Variants in SPTBN4 observed in about 807,000 individuals in gnomAD.
SPTBN4 encodes spectrin beta chain, non-erythrocytic 4.
Under a neutral mutation model 277.8 loss-of-function variants are expected in SPTBN4, and 96 were observed. That is an observed-to-expected ratio of 0.35 (90% CI 0.29 to 0.41). SPTBN4 has a LOEUF of 0.41. SPTBN4 is among the 10% of genes least tolerant of loss of function. The pLI, the probability that SPTBN4 is intolerant of heterozygous loss-of-function variation, is 1.00. For synonymous variants in SPTBN4, 1,481 were observed against 1,580.3 expected, an observed-to-expected ratio of 0.94 and a Z score of 1.49; for missense variants, 3,006 against 3,595.7, an observed-to-expected ratio of 0.84 and a Z score of 4.19.
At chr19:40,484,647 G>T (rs1189970969) in intron 2 of SPTBN4, among the ~76,000 whole-genome samples, 1 of 151,948 alleles carries the variant, frequency 6.6e-6, no homozygotes, top group Non-Finnish European at 1.5e-5. Flanking sequence ...TTTATTTTTG[G>T]CCAGGCGAGG....
Position 40,504,130 on chromosome 19 carries a change from C to A in SPTBN4, c.1663C>A (p.Gln555Lys), listed in dbSNP as rs1227235219. The A allele has an allele frequency of 4.4e-6, 4 of 919,272 alleles. No homozygotes were observed. Among genetic ancestry groups the A allele is most frequent in the African/African-American group, 6.8e-5 (1 of 14,718 alleles). 56.9% of individuals were successfully genotyped at this position (919,272 alleles called of 1,614,324 possible). ...VYMVDWMEEMQAQLLSRECGQ... is the reference protein window; with the variant it reads ...VYMVDWMEEMKAQLLSRECGQ... Reference sequence around the variant, plus strand: ...CATGGTGGACTGGATGGAGGAGATGCAGGTGCCGGCGGGGGGGCGGGGATG... The same window carrying A: ...CATGGTGGACTGGATGGAGGAGATGAAGGTGCCGGCGGGGGGGCGGGGATG... The change falls in exon 12 of 36, where the codon CAG becomes AAG. Residue 555 changes from glutamine (Q) to lysine (K), a missense_variant and splice_region_variant. Physicochemically the swap from Gln to Lys is moderately conservative, Grantham distance 53 (BLOSUM62 1). Transcript: ENST00000598249.
chr19:40,504,152 G>GGGGGGT lies in SPTBN4; in HGVS notation c.1665+20_1665+21insGGGGGT. ...ATGCAGGTGCCGGCGGGGGGGCGGG[G>GGGGGGT]ATGCGGGTGGAGTGCCAGGAGGGAG... On this transcript the variant is annotated intron_variant, in intron 12 of 35. Coordinates refer to ENST00000598249, the MANE Select transcript of SPTBN4 (RefSeq NM_020971.3). 10 of 877,192 alleles carry GGGGGGT rather than the reference G, an allele frequency of 1.1e-5. No homozygotes were observed. Among genetic ancestry groups the GGGGGGT allele is most frequent in the East Asian group, 2.6e-5 (1 of 38,954 alleles). 54.3% of individuals were successfully genotyped at this position (877,192 alleles called of 1,614,324 possible).
intron 19 of SPTBN4, among the ~76,000 whole-genome samples, chr19:40,533,101 A>T (rs2080696745): frequency 6.6e-6 from 1 of 151,962 alleles, no homozygotes; most frequent in African/African-American, 2.4e-5. Context: ...AAGGTTGGGG[A>T]GATGGGCTGG....
chr19:40,476,657 G>A (rs552060716), intron 2 of SPTBN4, among the ~76,000 whole-genome samples: 3 of 151,908 alleles, frequency 2.0e-5, no homozygotes, highest in Admixed American at 6.6e-5. Flanking sequence ...ACACTATCTC[G>A]GCTCACTGCA....
chr19:40,566,225 G>A lies in SPTBN4; in HGVS notation c.6202G>A (p.Glu2068Lys). 1 of 1,554,850 alleles carries A rather than the reference G, an allele frequency of 6.4e-7. No homozygotes were observed. The change falls in exon 30 of 36, where the codon GAG becomes AAG. Residue 2068 changes from glutamate (E) to lysine (K), a missense_variant. By Grantham distance (56) the Glu-to-Lys change is moderately conservative (BLOSUM62 1). Transcript: ENST00000598249. ...GGCTGATGCCTGGCTGACAGCCCAG[G>A]AGCCGCTCCTGCAGAGCCGGGAGCT... ...VVADAWLTAQ[E>K]PLLQSRELGS... is the part of the protein sequence containing the mutation.
At position 40,519,879 on chromosome 19, in the gene SPTBN4, C is replaced by G. The variant is rs191168879; in HGVS notation, c.3382C>G (p.Leu1128Val). The G allele has an allele frequency of 2.2e-4, 336 of 1,508,586 alleles. 1 individual carries two copies. In the African/African-American group the frequency reaches 4.3e-3, roughly 20 times the overall value. The allele number at this position is 1,508,586 out of a possible 1,614,324, so 93.5% of individuals were successfully genotyped here. ...LPNSLEEADA[L>V]LARHAALKEE... ...CAACAGCCTAGAAGAGGCGGACGCG[C>G]TGCTGGCGCGCCACGCTGCGCTCAA... The change falls in exon 16 of 36, where the codon CTG becomes GTG. Residue 1128 changes from leucine to valine, a missense_variant. This residue lies in a region of SPTBN4 where 1,759 missense variants were observed against 2,061.5 expected (regional missense o/e 0.85). Transcript: ENST00000598249. The surrounding 1 kb of genome is among the most constrained non-coding windows in gnomAD (Gnocchi z 5.7).
chr19:40,527,982 G>A, intron 17 of SPTBN4, among the ~76,000 whole-genome samples: 1 of 151,552 alleles, frequency 6.6e-6, no homozygotes, highest in Non-Finnish European at 1.5e-5. Flanking sequence ...CTTGAACCTG[G>A]GGGGTGGAGG....
Position 40,506,292 on chromosome 19 carries a change from G to C in SPTBN4, c.1722G>C (p.Leu574Phe), listed in dbSNP as rs372960156. The change falls in exon 13 of 36, where the codon TTG (leucine) becomes TTC (phenylalanine). Residue 574 changes from leucine (L) to phenylalanine (F), a missense_variant. This residue lies in a region of SPTBN4 where 1,759 missense variants were observed against 2,061.5 expected (regional missense o/e 0.85). Transcript: ENST00000598249. The stretch of plus-strand genomic sequence containing the variant: ...ACCTGGTGGAGGCAGACGACCTGTT[G>C]CAGAAGCATGGACTGCTGGAGGGAG... ...GQHLVEADDL[L>F]QKHGLLEGDI... 77 of 1,614,036 alleles carry C rather than the reference G, an allele frequency of 4.8e-5. No individual in the cohort carries two copies. The Middle Eastern group carries it at 5.0e-4, about 10-fold the overall frequency.
rs748037592 is a variant in SPTBN4, at chr19:40,572,131, C to T, written c.7432C>T (p.His2478Tyr). Residue 2478 changes from histidine (H) to tyrosine (Y), a missense_variant, in exon 34 of 36, where the codon CAC becomes TAC. By Grantham distance (83) the His-to-Tyr change is moderately conservative. Coordinates refer to ENST00000598249, the MANE Select transcript of SPTBN4 (RefSeq NM_020971.3). ...CGGTGGGGAACCGCTGCTCAGCCTGCACAAGGCCACCAGCGAGGTGGCTAG... is the reference window on the plus strand; with the variant it reads ...CGGTGGGGAACCGCTGCTCAGCCTGTACAAGGCCACCAGCGAGGTGGCTAG... ...THGGEPLLSL[H>Y]KATSEVASDY... The T allele has an allele frequency of 5.0e-6, 8 of 1,611,622 alleles. No individual in the cohort carries two copies. The South Asian group carries it at 8.8e-5, about 18-fold the overall frequency.
chr19:40,523,468 G>C lies in SPTBN4; in HGVS notation c.3686G>C (p.Gly1229Ala). ...GCGCTGTCTGGTGCGGAGCTCCCGG[G>C]CACAGTGGAATCGGTGGAGGAGGCC... ...EMALSGAELP[G>A]TVESVEEALK... The change falls in exon 17 of 36, where the codon GGC (glycine) becomes GCC (alanine). Residue 1229 changes from glycine (G) to alanine (A), a missense_variant. Gly to Ala is a moderately conservative substitution (Grantham distance 60, BLOSUM62 0). Transcript: ENST00000598249. 1.2e-6 allele frequency: 2 copies of C among 1,611,618 alleles called. No homozygotes were observed. Among genetic ancestry groups the C allele is most frequent in the African/African-American group, 1.3e-5 (1 of 75,022 alleles).
intron 2 of SPTBN4, among the ~76,000 whole-genome samples, chr19:40,478,858 A>G (rs1456833745): frequency 6.6e-6 from 1 of 152,110 alleles, no homozygotes; most frequent in South Asian, 2.1e-4. Flanking sequence ...TGACTTTCAT[A>G]AATGCTCACA....
rs1165837 is a variant in SPTBN4, at chr19:40,569,756, G to C, written c.7026+30G>C. On this transcript the variant is annotated intron_variant, in intron 32 of 35. Transcript: ENST00000598249. ...GTTGAGCCTCGGATGGGTGGGGATA[G>C]GAGGACCCCTTTTTCAGAGCAGGAG... 0.61 allele frequency: 962,287 copies of C among 1,590,260 alleles called. 299,774 individuals are homozygous for C. The highest frequency in any genetic ancestry group is 0.65 in the African/African-American group (48,033 of 73,474).
rs139319683 is a variant in SPTBN4 at position 40,544,729 on chromosome 19, G to A, written c.4360-4460G>A. ...CTCCCAGAGTGCTAGGATTACAGGC[G>A]TGAGCCACCGCACCCAGCATGCTTT... On this transcript the variant is annotated intron_variant, in intron 20 of 35. Coordinates refer to ENST00000598249, the MANE Select transcript of SPTBN4 (RefSeq NM_020971.3). Among the ~76,000 whole-genome samples, 366 of 152,152 alleles carry A rather than the reference G, an allele frequency of 2.4e-3. 2 individuals carry two copies. The highest frequency in any genetic ancestry group is 8.6e-3 in the African/African-American group (356 of 41,532).
chr19:40,483,263 T>C (rs893964784), intron 2 of SPTBN4, among the ~76,000 whole-genome samples: 1 of 152,082 alleles, frequency 6.6e-6, no homozygotes, highest in Non-Finnish European at 1.5e-5. Context: ...CCACTTTGGC[T>C]TTAGTACTAG....
In SPTBN4 at chr19:40,565,719, A is replaced by G. The variant is rs1279770682; in HGVS notation, c.6113A>G (p.Asp2038Gly). 39 of 1,553,346 alleles carry G rather than the reference A, an allele frequency of 2.5e-5. No homozygotes were observed. In the Admixed American group the frequency reaches 7.0e-4, roughly 28 times the overall value. The change falls in exon 29 of 36, where the codon GAC (aspartate) becomes GGC (glycine). Residue 2038 changes from aspartate (D) to glycine (G), a missense_variant. Around this residue, in one of 5 missense-constraint regions of SPTBN4, gnomAD observed 425 missense variants for 594.7 expected, o/e 0.71. Transcript: ENST00000598249. ...TRKEEVSEKW[D>G]RHWEWLQQML... Reference sequence around the variant, plus strand: ...AAGGAGGAGGTGTCGGAAAAGTGGGACCGCCATTGGGAGTGGCTGCAGCAG... The same window carrying G: ...AAGGAGGAGGTGTCGGAAAAGTGGGGCCGCCATTGGGAGTGGCTGCAGCAG...
At chr19:40,497,231 TCGTC>T (rs560286263) in intron 6 of SPTBN4, among the ~76,000 whole-genome samples, 46 of 152,216 alleles carry the variant, frequency 3.0e-4, no homozygotes, top group African/African-American at 1.1e-3. Flanking sequence ...GCCTACCCAT[TCGTC>T]TGTGTGCACA....
intron 3 of SPTBN4, 101 bp from the exon 4 acceptor site, chr19:40,489,974 C>A: frequency 8.0e-7 from 1 of 1,246,000 alleles, no homozygotes; most frequent in South Asian, 1.6e-5. Context: ...ACTCAGGGGG[C>A]GTGGCCACGG....
intron 18 of SPTBN4, among the ~76,000 whole-genome samples, chr19:40,531,278 G>A (rs188034648): frequency 7.2e-5 from 11 of 152,048 alleles, no homozygotes; most frequent in Non-Finnish European, 1.6e-4. Context: ...TGTGAATTGA[G>A]TTGGGGGGTT....
chr19:40,552,957 GT>G (rs1468518567), intron 22 of SPTBN4, among the ~76,000 whole-genome samples: 1 of 152,168 alleles, frequency 6.6e-6, no homozygotes, highest in East Asian at 1.9e-4. Context: ...GTGCTCCATA[GT>G]TTATCACCTT....
Sources: gnomAD v4.1 joint callset for allele counts (sites outside exome capture counted in the v4.1 genomes callset) on GRCh38, gnomAD v4.1.1 for gene constraint, gnomAD v4.1.1 regional missense constraint, Gnocchi (gnomAD v3.1) non-coding constraint, MANE v1.5 for transcripts, NCBI Gene and HGNC (gene_info 2026-07-23, HGNC 2026-07-21) for gene names.